SPAG17: variants seen among roughly 807,000 people sequenced by gnomAD.
SPAG17 encodes sperm-associated antigen 17.
In SPAG17, 169 loss-of-function variants were observed where a neutral mutation model predicts 273.6. The observed-to-expected ratio is 0.62, with a 90% CI of 0.55 to 0.70. SPAG17 has a LOEUF of 0.70. Ranked by LOEUF, SPAG17 falls within the 30% of genes least tolerant of loss-of-function variation. The pLI is 0.00. For synonymous variants in SPAG17, 825 were observed against 873.2 expected (o/e 0.94, Z 0.97); for missense variants, 2,557 against 2,627.8 (o/e 0.97, Z 0.59).
intron 16 of SPAG17, among the ~76,000 whole-genome samples, chr1:118,074,312 T>C (rs544316591): frequency 6.6e-6 from 1 of 152,300 alleles, no homozygotes; most frequent in East Asian, 1.9e-4. Context: ...CCACACTGTC[T>C]AGAGAGGAGC....
intron 13 of SPAG17, among the ~76,000 whole-genome samples, chr1:118,085,638 A>T (rs1319457670): frequency 2.6e-5 from 4 of 152,136 alleles, no homozygotes; most frequent in Non-Finnish European, 4.4e-5. Context: ...TGGGACAGAG[A>T]TGGGGGAAAA....
At chr1:117,983,192 A>C (rs553959272) in intron 42 of SPAG17, among the ~76,000 whole-genome samples, 3 of 152,172 alleles carry the variant, frequency 2.0e-5, no homozygotes, top group Non-Finnish European at 2.9e-5. Flanking sequence ...TGTGCAGGGG[A>C]ACTGCCCCTT....
chr1:118,011,798 CTT>C (rs762606983), intron 30 of SPAG17, among the ~76,000 whole-genome samples: 9 of 151,884 alleles, frequency 5.9e-5, no homozygotes, highest in Non-Finnish European at 1.0e-4. Flanking sequence ...GTTGGAGAAA[CTT>C]TTGGCTGCTG....
chr1:118,115,518 A>C, intron 3 of SPAG17, 77 bp from the exon 4 acceptor site: 2 of 1,398,172 alleles, frequency 1.4e-6, no homozygotes, highest in East Asian at 4.9e-5. Context: ...GAAAAGATGA[A>C]AGGAAATTTT....
chr1:118,175,850 C>A (rs1001465131), intron 1 of SPAG17, among the ~76,000 whole-genome samples: 4 of 152,106 alleles, frequency 2.6e-5, no homozygotes, highest in African/African-American at 9.7e-5. Context: ...TTATGGTGTG[C>A]AATCAGCTAA....
rs189125754 is a variant in SPAG17, at chr1:118,072,250, G to A, written c.2385+1604C>T. 6.0e-3 allele frequency among the ~76,000 whole-genome samples: 917 copies of A among 152,306 alleles called. 4 individuals carry two copies. Among genetic ancestry groups the A allele is most frequent in the Middle Eastern group, 0.017 (5 of 294 alleles). ...TCAGTCAATATAAAGATAGAATTAAGCTGTTTTCAAATATTGAATGCCTCA... is the reference window on the plus strand; with the variant it reads ...TCAGTCAATATAAAGATAGAATTAAACTGTTTTCAAATATTGAATGCCTCA... On this transcript the variant is annotated intron_variant, in intron 17 of 48. Coordinates refer to ENST00000336338, the MANE Select transcript of SPAG17 (RefSeq NM_206996.4).
intron 29 of SPAG17, among the ~76,000 whole-genome samples, chr1:118,013,448 T>C (rs1659669791): frequency 6.6e-6 from 1 of 152,152 alleles, no homozygotes; most frequent in South Asian, 2.1e-4. Flanking sequence ...AATACTGCTG[T>C]GTAATGTGGT....
At position 118,151,247 on chromosome 1, in the gene SPAG17, C is replaced by T; in HGVS notation, c.210G>A (p.Trp70Ter). Residue 70 changes from tryptophan to a stop codon, truncating the protein, a stop_gained, in exon 2 of 49, where the codon TGG becomes TGA. Coordinates refer to ENST00000336338, the MANE Select transcript of SPAG17 (RefSeq NM_206996.4). LOFTEE classifies it high-confidence loss of function. Reference protein sequence around the residue: ...PQRKLFSMVSWQDILQQINEI... With the variant: ...PQRKLFSMVS ...CAGGTACCTGCTGGAGAATGTCTTG[C>T]CACGACACCATACTGAAGAGTTTAC... The T allele has an allele frequency of 6.3e-7, 1 of 1,590,336 alleles. No individual in the cohort carries two copies. The highest frequency in any genetic ancestry group is 8.6e-7 in the Non-Finnish European group (1 of 1,165,776).
chr1:117,986,563 A>G (rs1478471344), intron 40 of SPAG17, among the ~76,000 whole-genome samples: 1 of 152,182 alleles, frequency 6.6e-6, no homozygotes, highest in Non-Finnish European at 1.5e-5. Context: ...ATGTTTCAAA[A>G]TTTAAAAAGT....
At chr1:117,961,197 C>G (rs1653043567) in intron 48 of SPAG17, 1 of 152,300 alleles carries the variant, frequency 6.6e-6, no homozygotes, top group Non-Finnish European at 1.5e-5. Flanking sequence ...ACAGGAGAAT[C>G]ACTTGAACCC....
At chr1:118,179,125 A>G (rs1660823857) in intron 1 of SPAG17, among the ~76,000 whole-genome samples, 1 of 152,096 alleles carries the variant, frequency 6.6e-6, no homozygotes, top group Admixed American at 6.6e-5. Context: ...GGAACCACAC[A>G]AAACCCAGGA....
At position 117,994,527 on chromosome 1, in the gene SPAG17, G is replaced by C. The variant is rs372519589; in HGVS notation, c.5057C>G (p.Thr1686Ser). The C allele has an allele frequency of 8.1e-6, 13 of 1,605,168 alleles. No individual in the cohort carries two copies. The African/African-American group carries it at 1.6e-4, about 20-fold the overall frequency. The change falls in exon 35 of 49, where the codon ACC becomes AGC. Residue 1686 changes from threonine to serine, a missense_variant. By Grantham distance (58) the Thr-to-Ser change is moderately conservative (BLOSUM62 1). Coordinates refer to ENST00000336338, the MANE Select transcript of SPAG17 (RefSeq NM_206996.4). Reference sequence around the variant, plus strand: ...AGGGCGAAGGACTGTGATGGTTAGGGTGCCTGGTTCAAAGAAAGTTGTCAG... The same window carrying C: ...AGGGCGAAGGACTGTGATGGTTAGGCTGCCTGGTTCAAAGAAAGTTGTCAG... ...LQEPVQEQPG[T>S]LTITVLRPFH...
intron 20 of SPAG17, among the ~76,000 whole-genome samples, chr1:118,045,798 A>G (rs1448726074): frequency 6.6e-6 from 1 of 152,168 alleles, no homozygotes; most frequent in African/African-American, 2.4e-5. Context: ...CTGGGTAGTT[A>G]GTATCAGAAT....
intron 43 of SPAG17, among the ~76,000 whole-genome samples, chr1:117,977,705 C>T (rs1655290678): frequency 6.6e-6 from 1 of 152,128 alleles, no homozygotes; most frequent in Admixed American, 6.5e-5. Context: ...TCAAGTACCT[C>T]GGTATCTGGG....
At chr1:117,960,109 C>CGTGTGTGTGTGTGTGTGTGTGTGT (rs3059173) in intron 48 of SPAG17, 1 of 144,404 alleles carries the variant, frequency 6.9e-6, no homozygotes, top group African/African-American at 2.6e-5. Flanking sequence ...TTAATACACT[C>CGTGTGTGTGTGTGTGTGTGTGTGT]GTGTGTGTGT....
Position 118,002,818 on chromosome 1 carries a change from C to T in SPAG17, c.4776+2596G>A, listed in dbSNP as rs138968288. On this transcript the variant is annotated intron_variant, in intron 32 of 48. Coordinates refer to ENST00000336338, the MANE Select transcript of SPAG17 (RefSeq NM_206996.4). Reference sequence around the variant, plus strand: ...TGTCTTTTAATTGGGGCATTTAGCCCATTTACATTTAAGGTTAATATTGTT... The same window carrying T: ...TGTCTTTTAATTGGGGCATTTAGCCTATTTACATTTAAGGTTAATATTGTT... Among the ~76,000 whole-genome samples the T allele has an allele frequency of 7.0e-3, 1,060 of 152,280 alleles. 10 individuals carry two copies. Among genetic ancestry groups the T allele is most frequent in the African/African-American group, 0.024 (981 of 41,546 alleles).
At chr1:117,976,632 C>T (rs987288621) in intron 43 of SPAG17, among the ~76,000 whole-genome samples, 1 of 152,140 alleles carries the variant, frequency 6.6e-6, no homozygotes, top group Admixed American at 6.5e-5. Context: ...GGCTCCTTGG[C>T]TCCCACAGTG....
Position 117,981,137 on chromosome 1 carries a change from T to C in SPAG17, c.6004+133A>G. ...GCTAAGAAGCCTTTGCAAAGCTGCA[T>C]AGCTCCAGGATCCGTGACCCTCTCG... On this transcript the variant is annotated intron_variant, in intron 43 of 48. Coordinates refer to ENST00000336338, the MANE Select transcript of SPAG17 (RefSeq NM_206996.4). 4 of 895,304 alleles carry C rather than the reference T, an allele frequency of 4.5e-6. No individual in the cohort carries two copies. In the South Asian group the frequency reaches 7.5e-5, roughly 17 times the overall value. The allele number at this position is 895,304 out of a possible 1,614,324, so 55.5% of individuals were successfully genotyped here.
Position 117,970,136 on chromosome 1 carries a change from AAAT to A in SPAG17, c.6327-23_6327-21del, listed in dbSNP as rs1175075591. The A allele has an allele frequency of 1.1e-5, 18 of 1,605,494 alleles. No homozygotes were observed. Among genetic ancestry groups the A allele is most frequent in the Non-Finnish European group, 1.4e-5 (17 of 1,176,636 alleles). On this transcript the variant is annotated intron_variant, in intron 45 of 48. Coordinates refer to ENST00000336338, the MANE Select transcript of SPAG17 (RefSeq NM_206996.4). ...TTAAACCTACAAGGCAGAAAGATAAAAATAAATTTATGACATAATGAAACCCAT... is the reference window on the plus strand; with the variant it reads ...TTAAACCTACAAGGCAGAAAGATAAAAAATTTATGACATAATGAAACCCAT...
Sources: gnomAD v4.1 joint callset for allele counts (sites outside exome capture counted in the v4.1 genomes callset) on GRCh38, gnomAD v4.1.1 for gene constraint, MANE v1.5 for transcripts, NCBI Gene and HGNC (gene_info 2026-07-23, HGNC 2026-07-21) for gene names.